Variants in SPACA1 observed in about 807,000 individuals in gnomAD.
SPACA1 encodes the protein sperm acrosome membrane-associated protein 1.
Under a neutral mutation model 32.6 loss-of-function variants are expected in SPACA1, and 17 were observed. That is an observed-to-expected ratio of 0.52 (90% CI 0.36 to 0.78). The LOEUF is 0.78. Among genes scored for constraint, SPACA1 ranks in the 30% least tolerant of loss-of-function variants. The probability of loss-of-function intolerance (pLI) is 0.01; values close to 1 mark genes in which losing one functional copy is unlikely to be tolerated. For synonymous variants in SPACA1, 140 were observed against 138.1 expected (o/e 1.01, Z -0.10); for missense variants, 363 against 373.4 (o/e 0.97, Z 0.23).
rs149246914 is a variant in SPACA1 at position 88,062,050 on chromosome 6, A to C, written c.611-2049A>C. ...AAAGGTGTTTTTTATTTAAGTTTCC[A>C]AAATGCCACCACTTGTGTAAATCTA... On this transcript the variant is annotated intron_variant, in intron 5 of 6. Transcript: ENST00000237201. Among the ~76,000 whole-genome samples the C allele has an allele frequency of 3.0e-3, 450 of 152,310 alleles. 6 individuals carry two copies. The highest frequency in any genetic ancestry group is 0.01 in the African/African-American group (431 of 41,568).
At chr6:88,059,426 C>G in intron 4 of SPACA1, 27 bp from the exon 5 acceptor site, 3 of 1,552,332 alleles carry the variant, frequency 1.9e-6, no homozygotes, top group Non-Finnish European at 2.6e-6. Context: ...AATGTTGATA[C>G]TTTGTTATTT....
chr6:88,060,639 T>C (rs1048277055), intron 5 of SPACA1, among the ~76,000 whole-genome samples: 12 of 152,210 alleles, frequency 7.9e-5, no homozygotes, highest in African/African-American at 2.9e-4. Context: ...ATTCCTCTAT[T>C]GGGATATCAG....
Position 88,048,014 on chromosome 6 carries a change from C to T in SPACA1, c.109C>T (p.Gln37Ter), listed in dbSNP as rs1384306091. 1 of 1,593,674 alleles carries T rather than the reference C, an allele frequency of 6.3e-7. No individual in the cohort carries two copies. The highest frequency in any genetic ancestry group is 2.3e-5 in the East Asian group (1 of 44,062). Residue 37 changes from glutamine (Q) to a stop codon, truncating the protein, a stop_gained, in exon 1 of 7, where the codon CAG becomes TAG. Coordinates refer to ENST00000237201, the MANE Select transcript of SPACA1 (RefSeq NM_030960.3). LOFTEE classifies it high-confidence loss of function. Reference protein sequence around the residue: ...ARGTNVTAAVQDAGLAHEGEG... With the variant: ...ARGTNVTAAV Reference sequence around the variant, plus strand: ...CGGGACCAACGTCACCGCTGCCGTCCAGGATGCCGGCCTGGCCCACGAAGG... The same window carrying T: ...CGGGACCAACGTCACCGCTGCCGTCTAGGATGCCGGCCTGGCCCACGAAGG...
At chr6:88,064,941 A>G (rs897463004) in intron 6 of SPACA1, among the ~76,000 whole-genome samples, 1 of 148,358 alleles carries the variant, frequency 6.7e-6, no homozygotes, top group Non-Finnish European at 1.5e-5. Context: ...ATATGTATGT[A>G]TAACATATAT....
intron 1 of SPACA1, among the ~76,000 whole-genome samples, chr6:88,052,750 T>A (rs1394350797): frequency 3.3e-5 from 5 of 152,096 alleles, no homozygotes. Context: ...AGCAGAAGAA[T>A]CACTTGTGCC....
At chr6:88,062,148 A>G (rs1582275263) in intron 5 of SPACA1, among the ~76,000 whole-genome samples, 1 of 152,358 alleles carries the variant, frequency 6.6e-6, no homozygotes. Flanking sequence ...TATTTTCTCT[A>G]GCATACTTGG....
chr6:88,047,940 T>A lies in SPACA1; in HGVS notation c.35T>A (p.Leu12Gln). Residue 12 changes from leucine to glutamine, a missense_variant, in exon 1 of 7, where the codon CTG becomes CAG. Physicochemically the swap from Leu to Gln is moderately radical, Grantham distance 113. Transcript: ENST00000237201. ...SPRGTGCSAG[L>Q]LMTVGWLLLA... ...AGGGGCACGGGCTGCTCCGCCGGGC[T>A]GCTGATGACTGTCGGCTGGCTGCTT... 1 of 1,567,442 alleles carries A rather than the reference T, an allele frequency of 6.4e-7. No homozygotes were observed. Among genetic ancestry groups the A allele is most frequent in the South Asian group, 1.2e-5 (1 of 85,266 alleles).
chr6:88,058,439 C>A (rs1263605313), intron 3 of SPACA1, among the ~76,000 whole-genome samples: 1 of 152,096 alleles, frequency 6.6e-6, no homozygotes, highest in Non-Finnish European at 1.5e-5. Flanking sequence ...GAGTTTGAGA[C>A]CAGGCTGGGC....
chr6:88,058,689 G>A (rs1775846217), intron 3 of SPACA1, 27 bp from the exon 4 acceptor site: 1 of 1,494,802 alleles, frequency 6.7e-7, no homozygotes, highest in Non-Finnish European at 9.3e-7. Context: ...ATGCCCAATG[G>A]TATTTATGTG....
chr6:88,053,096 A>C (rs2127798639), intron 1 of SPACA1, among the ~76,000 whole-genome samples: 1 of 152,352 alleles, frequency 6.6e-6, no homozygotes, highest in South Asian at 2.1e-4. Flanking sequence ...ATTTTGCAGA[A>C]GGGTTAACTA....
At chr6:88,065,011 A>C (rs983256834) in intron 6 of SPACA1, among the ~76,000 whole-genome samples, 1 of 148,882 alleles carries the variant, frequency 6.7e-6, no homozygotes, top group Admixed American at 6.8e-5. Context: ...TATATATTAC[A>C]TATGATTGTG....
intron 5 of SPACA1, among the ~76,000 whole-genome samples, chr6:88,060,386 A>C (rs1003943080): frequency 6.6e-6 from 1 of 152,210 alleles, no homozygotes; most frequent in South Asian, 2.1e-4. Context: ...ATGTCCACAT[A>C]CACAAATATG....
chr6:88,064,126 C>T lies in SPACA1; in HGVS notation c.638C>T (p.Pro213Leu). Residue 213 changes from proline (P) to leucine (L), a missense_variant, in exon 6 of 7, where the codon CCA (proline) becomes CTA (leucine). Transcript: ENST00000237201. ...SELQMRRSSL[P>L]ATDAALIFVL... ...TTGCAGATGAGAAGATCAAGCCTACCAGCCACTGATGCAGCCCTAATTTTT... is the reference window on the plus strand; with the variant it reads ...TTGCAGATGAGAAGATCAAGCCTACTAGCCACTGATGCAGCCCTAATTTTT... The T allele has an allele frequency of 6.2e-7, 1 of 1,613,100 alleles. No homozygotes were observed. Among genetic ancestry groups the T allele is most frequent in the Non-Finnish European group, 8.5e-7 (1 of 1,179,472 alleles).
intron 1 of SPACA1, among the ~76,000 whole-genome samples, chr6:88,048,639 T>C (rs1775682531): frequency 1.3e-5 from 2 of 152,158 alleles, no homozygotes; most frequent in African/African-American, 4.8e-5. Context: ...CACCTCTGCA[T>C]TGTGGTGTTT....
At chr6:88,050,077 A>G (rs1372767049) in intron 1 of SPACA1, among the ~76,000 whole-genome samples, 1 of 152,210 alleles carries the variant, frequency 6.6e-6, no homozygotes, top group Non-Finnish European at 1.5e-5. Flanking sequence ...TTTCTACATA[A>G]TCTTTTCTTT....
chr6:88,058,030 T>C (rs1460546978), intron 3 of SPACA1, among the ~76,000 whole-genome samples: 3 of 152,244 alleles, frequency 2.0e-5, no homozygotes, highest in Non-Finnish European at 4.4e-5. Context: ...TGTCATTTTG[T>C]CAGTAGATTG....
chr6:88,057,269 T>A (rs1181861880), intron 2 of SPACA1, among the ~76,000 whole-genome samples: 2 of 152,246 alleles, frequency 1.3e-5, no homozygotes, highest in Non-Finnish European at 2.9e-5. Context: ...CAATAGCATG[T>A]TATTTTACTA....
In SPACA1 at chr6:88,057,674, G is replaced by T; in HGVS notation, c.328G>T (p.Val110Leu). Residue 110 changes from valine to leucine, a missense_variant, in exon 3 of 7, where the codon GTA becomes TTA. By Grantham distance (32) the Val-to-Leu change is conservative. Transcript: ENST00000237201. ...GCPGGESKCVVRVEECRGPTD... is the reference protein window; with the variant it reads ...GCPGGESKCVLRVEECRGPTD... ...CCCTGGTGGTGAATCCAAGTGTGTT[G>T]TACGGGTAGAAGAATGCCGTGGACC... 6.2e-7 allele frequency: 1 copy of T among 1,614,060 alleles called. No homozygotes were observed. Among genetic ancestry groups the T allele is most frequent in the Non-Finnish European group, 8.5e-7 (1 of 1,179,980 alleles).
At chr6:88,056,685 C>T (rs963432549) in intron 2 of SPACA1, among the ~76,000 whole-genome samples, 3 of 152,042 alleles carry the variant, frequency 2.0e-5, no homozygotes, top group African/African-American at 7.2e-5. Flanking sequence ...AAGATAACAT[C>T]GTAGAGGGGC....
Sources: gnomAD v4.1 joint callset for allele counts (sites outside exome capture counted in the v4.1 genomes callset) on GRCh38, gnomAD v4.1.1 for gene constraint, MANE v1.5 for transcripts, NCBI Gene and HGNC (gene_info 2026-07-23, HGNC 2026-07-21) for gene names.